DNAH11: variants seen among roughly 807,000 people sequenced by gnomAD.
DNAH11 encodes the protein dynein axonemal heavy chain 11, also known as axonemal beta dynein heavy chain 11.
DNAH11 carries 442 observed loss-of-function variants against 526.0 expected under a neutral mutation model. The observed-to-expected ratio is 0.84, with a 90% CI of 0.78 to 0.91. The LOEUF is 0.91. Among genes scored for constraint, DNAH11 ranks in the 40% least tolerant of loss-of-function variants. The pLI is 0.00. For synonymous variants in DNAH11, 2,461 were observed against 1,935.9 expected, an observed-to-expected ratio of 1.27 and a Z score of -7.12; for missense variants, 6,989 against 5,448.7, an observed-to-expected ratio of 1.28 and a Z score of -8.90.
At chr7:21,681,184 T>G (rs903390690) in intron 30 of DNAH11, among the ~76,000 whole-genome samples, 1 of 152,122 alleles carries the variant, frequency 6.6e-6, no homozygotes, top group African/African-American at 2.4e-5. Flanking sequence ...CCCAGCATTT[T>G]GGGAGGCCGA....
At chr7:21,656,930 C>A (rs1782037935) in intron 29 of DNAH11, among the ~76,000 whole-genome samples, 1 of 152,124 alleles carries the variant, frequency 6.6e-6, no homozygotes, top group South Asian at 2.1e-4. Context: ...TTGCCATAAA[C>A]TCTCTTGACA....
chr7:21,681,304 G>A (rs1783126086), intron 30 of DNAH11, among the ~76,000 whole-genome samples: 1 of 152,038 alleles, frequency 6.6e-6, no homozygotes, highest in Non-Finnish European at 1.5e-5. Context: ...GTGGGCACCT[G>A]TAATCCCAAC....
In DNAH11 at chr7:21,665,458, G is replaced by T. The variant is rs1782387398; in HGVS notation, c.5328+6427G>T. ...GTAAAATTGCTAGATCAAAGCCTTTGCAAGATAGTGCCAAATTTACCTTCC... is the reference window on the plus strand; with the variant it reads ...GTAAAATTGCTAGATCAAAGCCTTTTCAAGATAGTGCCAAATTTACCTTCC... On this transcript the variant is annotated intron_variant, in intron 30 of 81. Coordinates refer to ENST00000409508, the MANE Select transcript of DNAH11 (RefSeq NM_001277115.2). 2.0e-5 allele frequency among the ~76,000 whole-genome samples: 3 copies of T among 152,058 alleles called. No individual in the cohort carries two copies. The South Asian group carries it at 6.2e-4, about 31-fold the overall frequency.
intron 2 of DNAH11, among the ~76,000 whole-genome samples, chr7:21,557,678 C>T (rs1238468149): frequency 6.6e-6 from 1 of 152,198 alleles, no homozygotes; most frequent in Non-Finnish European, 1.5e-5. Context: ...ACCATAACAC[C>T]TGCCTTGCCC....
At chr7:21,641,995 G>A (rs553432984) in intron 28 of DNAH11, among the ~76,000 whole-genome samples, 45 of 152,242 alleles carry the variant, frequency 3.0e-4, no homozygotes, top group African/African-American at 8.2e-4. Context: ...ATGCCACCAC[G>A]CTAACAAAGG....
chr7:21,795,137 AC>A (rs1181116536), intron 61 of DNAH11, among the ~76,000 whole-genome samples: 12 of 152,086 alleles, frequency 7.9e-5, no homozygotes, highest in African/African-American at 2.4e-4. Flanking sequence ...GTGTTCTCAA[AC>A]TTTTGCACAA....
intron 79 of DNAH11, among the ~76,000 whole-genome samples, chr7:21,895,886 C>T (rs1291558198): frequency 6.6e-6 from 1 of 152,160 alleles, no homozygotes; most frequent in Non-Finnish European, 1.5e-5. Flanking sequence ...CCCGCCACCA[C>T]ATCCGGTTAA....
At chr7:21,569,496 C>A (rs1783796681) in intron 6 of DNAH11, among the ~76,000 whole-genome samples, 1 of 152,128 alleles carries the variant, frequency 6.6e-6, no homozygotes, top group South Asian at 2.1e-4. Context: ...TCCTCTCTTC[C>A]TTTCTTTTCC....
intron 43 of DNAH11, among the ~76,000 whole-genome samples, 172 bp from the exon 44 acceptor site, chr7:21,720,553 T>A (rs1423154066): frequency 1.3e-5 from 2 of 152,214 alleles, no homozygotes; most frequent in Non-Finnish European, 2.9e-5. Flanking sequence ...ACAAGTTTTC[T>A]ACTGTTAACT....
At chr7:21,736,594 T>C (rs1785622826) in intron 46 of DNAH11, among the ~76,000 whole-genome samples, 1 of 152,232 alleles carries the variant, frequency 6.6e-6, no homozygotes, top group African/African-American at 2.4e-5. Flanking sequence ...AGACTAATAA[T>C]AAATGTTCTT....
chr7:21,645,503 C>G (rs73074140), intron 28 of DNAH11, among the ~76,000 whole-genome samples: 2,356 of 152,162 alleles, frequency 0.015, 33 homozygotes, highest in Middle Eastern at 0.051. Context: ...GCATGAGAAG[C>G]TGATCAGAGC....
In DNAH11 at chr7:21,639,361, A is replaced by G. The variant is rs79351558; in HGVS notation, c.4944+296A>G. Reference sequence around the variant, plus strand: ...CCAAATCCCCCAGAATTCTGGGACAAGAACTGGGACATCCATTGCCTGGTT... The same window carrying G: ...CCAAATCCCCCAGAATTCTGGGACAGGAACTGGGACATCCATTGCCTGGTT... On this transcript the variant is annotated intron_variant, in intron 28 of 81. Coordinates refer to ENST00000409508, the MANE Select transcript of DNAH11 (RefSeq NM_001277115.2). Among the ~76,000 whole-genome samples the G allele has an allele frequency of 0.016, 2,398 of 152,332 alleles. 20 individuals carry two copies. The highest frequency in any genetic ancestry group is 0.025 in the Non-Finnish European group (1,692 of 68,036).
intron 36 of DNAH11, among the ~76,000 whole-genome samples, chr7:21,700,723 T>C (rs1309408155): frequency 1.3e-5 from 2 of 152,122 alleles, no homozygotes; most frequent in East Asian, 3.8e-4. Context: ...TGGCCATCAA[T>C]GATAGACTGG....
intron 28 of DNAH11, among the ~76,000 whole-genome samples, chr7:21,649,545 G>A (rs987832558): frequency 8.5e-5 from 13 of 152,132 alleles, no homozygotes; most frequent in Admixed American, 2.0e-4. Context: ...GGAGGCAGAT[G>A]CAAAAGAGTA....
At chr7:21,659,142 T>C in intron 30 of DNAH11, 111 bp downstream of exon 30, 2 of 918,270 alleles carry the variant, frequency 2.2e-6, no homozygotes, top group African/African-American at 1.7e-5. Flanking sequence ...TGCAAAATAC[T>C]ATGCTGGGAA....
At position 21,777,390 on chromosome 7, in the gene DNAH11, G is replaced by T. The variant is rs142229436; in HGVS notation, c.9337-1568G>T. 2.0e-5 allele frequency among the ~76,000 whole-genome samples: 3 copies of T among 151,538 alleles called. No homozygotes were observed. In the South Asian group the frequency reaches 6.2e-4, roughly 32 times the overall value. Reference sequence around the variant, plus strand: ...ATAAATAAAGCTGTTATGAATACCCGTGTACAGGTTTTTTTTTTTGTAGGC... The same window carrying T: ...ATAAATAAAGCTGTTATGAATACCCTTGTACAGGTTTTTTTTTTTGTAGGC... On this transcript the variant is annotated intron_variant, in intron 56 of 81. Coordinates refer to ENST00000409508, the MANE Select transcript of DNAH11 (RefSeq NM_001277115.2).
chr7:21,555,462 G>T (rs142039006), intron 2 of DNAH11, among the ~76,000 whole-genome samples: 1 of 152,278 alleles, frequency 6.6e-6, no homozygotes, highest in African/African-American at 2.4e-5. Context: ...GCTTTTCCCT[G>T]TGTACTCAAC....
At position 21,784,486 on chromosome 7, in the gene DNAH11, C is replaced by T. The variant is rs757824695; in HGVS notation, c.9543C>T (p.Leu3181=). The T allele has an allele frequency of 1.9e-6, 3 of 1,613,532 alleles. No homozygotes were observed. Among genetic ancestry groups the T allele is most frequent in the African/African-American group, 1.3e-5 (1 of 75,036 alleles). ...QKQRECEADL[L]KAEPALVAAT... is the part of the protein sequence containing the mutation. ...AGAGAGAATGTGAAGCTGACTTACT[C>T]AAGGCTGAGCCTGCACTGGTGGCTG... The change falls in exon 58 of 82, where the codon CTC becomes CTT. Residue 3181 remains leucine (L), a synonymous_variant. Coordinates refer to ENST00000409508, the MANE Select transcript of DNAH11 (RefSeq NM_001277115.2).
At chr7:21,703,166 G>C (rs1784132682) in intron 37 of DNAH11, among the ~76,000 whole-genome samples, 1 of 152,162 alleles carries the variant, frequency 6.6e-6, no homozygotes, top group Admixed American at 6.5e-5. Context: ...AGACATAATG[G>C]GAGAAAGAGC....
Sources: gnomAD v4.1 joint callset for allele counts (sites outside exome capture counted in the v4.1 genomes callset) on GRCh38, gnomAD v4.1.1 for gene constraint, MANE v1.5 for transcripts, NCBI Gene and HGNC (gene_info 2026-07-23, HGNC 2026-07-21) for gene names.